Variants in ZFHX4 observed in about 807,000 individuals in gnomAD.
ZFHX4 encodes the protein zinc finger homeobox 4.
ZFHX4 carries 56 observed loss-of-function variants against 267.6 expected under a neutral mutation model. The observed-to-expected ratio is 0.21, with a 90% CI of 0.17 to 0.26. The LOEUF is 0.26. Among genes scored for constraint, ZFHX4 ranks in the 10% least tolerant of loss-of-function variants. ZFHX4 has a pLI of 1.00. For synonymous variants in ZFHX4, 1,778 were observed against 1,665.6 expected (o/e 1.07, Z -1.64); for missense variants, 4,332 against 4,420.0 (o/e 0.98, Z 0.56).
chr8:76,737,986 C>G (rs1809210226), intron 3 of ZFHX4, among the ~76,000 whole-genome samples: 1 of 152,106 alleles, frequency 6.6e-6, no homozygotes, highest in Non-Finnish European at 1.5e-5. Context: ...AACAGTGTGG[C>G]ATTAATTCTT....
chr8:76,864,621 AAT>A lies in ZFHX4; in HGVS notation c.*58_*59del. The A allele has an allele frequency of 1.6e-6, 2 of 1,287,186 alleles. No individual in the cohort carries two copies. The highest frequency in any genetic ancestry group is 2.1e-6 in the Non-Finnish European group (2 of 971,522). 79.7% of individuals were successfully genotyped at this position (1,287,186 alleles called of 1,614,324 possible). Reference sequence around the variant, plus strand: ...ATAAAAAATAAAAAAATAAAAAAAAAATAAGACTTTAACTGCAGTTCCAAAGC... The same window carrying A: ...ATAAAAAATAAAAAAATAAAAAAAAAAAGACTTTAACTGCAGTTCCAAAGC... On this transcript the variant is annotated 3_prime_UTR_variant, in exon 11 of 11. Coordinates refer to ENST00000651372, the MANE Select transcript of ZFHX4 (RefSeq NM_024721.5).
chr8:76,784,511 T>A (rs1372946433), intron 4 of ZFHX4, among the ~76,000 whole-genome samples: 1 of 152,008 alleles, frequency 6.6e-6, no homozygotes, highest in East Asian at 1.9e-4. Context: ...ATGGGTGATG[T>A]GCTAATGTGT....
At chr8:76,811,902 C>A (rs902201749) in intron 4 of ZFHX4, among the ~76,000 whole-genome samples, 12 of 151,866 alleles carry the variant, frequency 7.9e-5, no homozygotes, top group Non-Finnish European at 1.3e-4. Flanking sequence ...CCAGCCTGGG[C>A]AACAAGAGCG....
At chr8:76,849,916 T>A in intron 8 of ZFHX4, 1 of 610,234 alleles carries the variant, frequency 1.6e-6, no homozygotes, top group Non-Finnish European at 2.9e-6. Context: ...CATAGCTTAG[T>A]AAAGAACATT....
chr8:76,840,680 C>T (rs547319139), intron 5 of ZFHX4, among the ~76,000 whole-genome samples: 4 of 152,232 alleles, frequency 2.6e-5, no homozygotes, highest in African/African-American at 7.2e-5. Flanking sequence ...CTTTATTTTC[C>T]AGCCCTGGGG....
intron 4 of ZFHX4, among the ~76,000 whole-genome samples, chr8:76,778,654 G>A (rs1398909967): frequency 2.0e-5 from 3 of 152,080 alleles, no homozygotes; most frequent in Non-Finnish European, 2.9e-5. Context: ...TCCTGCATGC[G>A]GTGACATCTT....
rs1812976392 is a variant in ZFHX4 at position 76,864,505 on chromosome 8, G to A, written c.10791G>A (p.Lys3597=). Residue 3597 remains lysine, a synonymous_variant, in exon 11 of 11, where the codon AAG becomes AAA. Transcript: ENST00000651372. ...ATAATTCTTTGGAAGTGAAGGCTAAGCCTGCTTCTGGCCTAGATGGTAATT... is the reference window on the plus strand; with the variant it reads ...ATAATTCTTTGGAAGTGAAGGCTAAACCTGCTTCTGGCCTAGATGGTAATT... ...DLDNSLEVKA[K]PASGLDGNFN... 1.9e-6 allele frequency: 3 copies of A among 1,613,030 alleles called. No homozygotes were observed. In the African/African-American group the frequency reaches 4.0e-5, roughly 22 times the overall value.
intron 4 of ZFHX4, among the ~76,000 whole-genome samples, chr8:76,814,181 T>C (rs955926682): frequency 8.5e-5 from 13 of 152,142 alleles, no homozygotes; most frequent in African/African-American, 3.1e-4. Context: ...AAGTGATCTG[T>C]CACCTCAGCC....
intron 4 of ZFHX4, among the ~76,000 whole-genome samples, chr8:76,803,426 GTAAC>G (rs1447329905): frequency 3.9e-5 from 6 of 151,980 alleles, no homozygotes; most frequent in Admixed American, 1.3e-4. Flanking sequence ...ATTAAGAAAA[GTAAC>G]TAAATTTCTT....
chr8:76,789,442 A>C (rs1011437004), intron 4 of ZFHX4, among the ~76,000 whole-genome samples: 1 of 152,172 alleles, frequency 6.6e-6, no homozygotes, highest in African/African-American at 2.4e-5. Flanking sequence ...ACGGTAGGCA[A>C]TTGTTTTTAG....
At chr8:76,716,182 A>C (rs1160339955) in intron 3 of ZFHX4, among the ~76,000 whole-genome samples, 2 of 152,170 alleles carry the variant, frequency 1.3e-5, no homozygotes, top group African/African-American at 4.8e-5. Flanking sequence ...TCATTTATCG[A>C]TAGAGTTGGC....
At chr8:76,709,569 C>G (rs147553672) in intron 3 of ZFHX4, among the ~76,000 whole-genome samples, 1 of 152,090 alleles carries the variant, frequency 6.6e-6, no homozygotes, top group East Asian at 1.9e-4. Flanking sequence ...GATTTAGACC[C>G]TGGGAGCTAT....
chr8:76,685,124 C>G (rs1286986621), intron 1 of ZFHX4, among the ~76,000 whole-genome samples: 1 of 152,126 alleles, frequency 6.6e-6, no homozygotes, highest in Non-Finnish European at 1.5e-5. Context: ...CATTGGTAGG[C>G]TGAAGAAAAG....
intron 3 of ZFHX4, among the ~76,000 whole-genome samples, chr8:76,753,069 G>A (rs1809663985): frequency 1.3e-5 from 2 of 152,068 alleles, no homozygotes; most frequent in Non-Finnish European, 2.9e-5. Context: ...AGGGTCCATC[G>A]TTTTCAATAA....
chr8:76,726,515 T>A (rs1443609470), intron 3 of ZFHX4, among the ~76,000 whole-genome samples: 1 of 152,180 alleles, frequency 6.6e-6, no homozygotes, highest in African/African-American at 2.4e-5. Flanking sequence ...TTCATTTTAG[T>A]AGTGGTTTGA....
chr8:76,778,079 G>A (rs1430230466), intron 3 of ZFHX4, 129 bp from the exon 4 acceptor site: 20 of 655,804 alleles, frequency 3.0e-5, no homozygotes, highest in Middle Eastern at 8.3e-4. Context: ...GCTGGGCTGC[G>A]TCTTATAAGA....
intron 3 of ZFHX4, among the ~76,000 whole-genome samples, chr8:76,754,466 G>A (rs987387203): frequency 6.6e-6 from 1 of 150,924 alleles, no homozygotes; most frequent in Non-Finnish European, 1.5e-5. Context: ...TCCAGGCTGG[G>A]CAACAGAGCA....
At chr8:76,741,450 C>A (rs1809313017) in intron 3 of ZFHX4, among the ~76,000 whole-genome samples, 1 of 152,174 alleles carries the variant, frequency 6.6e-6, no homozygotes, top group South Asian at 2.1e-4. Context: ...AGACCACATT[C>A]CAATGGCCAG....
intron 1 of ZFHX4, among the ~76,000 whole-genome samples, chr8:76,689,044 C>T (rs913457466): frequency 4.0e-5 from 6 of 151,796 alleles, no homozygotes; most frequent in Non-Finnish European, 7.4e-5. Flanking sequence ...ATATAGTCCC[C>T]CAAATTTTTT....
Sources: gnomAD v4.1 joint callset for allele counts (sites outside exome capture counted in the v4.1 genomes callset) on GRCh38, gnomAD v4.1.1 for gene constraint, MANE v1.5 for transcripts, NCBI Gene and HGNC (gene_info 2026-07-23, HGNC 2026-07-21) for gene names.